The following NLGN4X variants were observed in gnomAD, a reference collection of about 807,000 sequenced individuals.
NLGN4X encodes the protein neuroligin-4, X-linked.
In NLGN4X, 3 loss-of-function variants were observed where a neutral mutation model predicts 40.3. That is an observed-to-expected ratio of 0.07 (90% CI 0.03 to 0.19). The LOEUF (loss-of-function observed/expected upper bound fraction) is 0.19. NLGN4X is among the 10% of genes least tolerant of loss of function. The probability of loss-of-function intolerance (pLI) is 1.00; values close to 1 mark genes in which losing one functional copy is unlikely to be tolerated. For missense variants in NLGN4X, 382 were observed against 708.3 expected (o/e 0.54, Z 5.23); for synonymous variants, 270 against 306.8 (o/e 0.88, Z 1.25).
At chrX:6,069,527 T>G (rs985316098) in intron 2 of NLGN4X, among the ~76,000 whole-genome samples, 2 of 112,045 alleles carry the variant, frequency 1.8e-5, no homozygotes. Context: ...CACTTTAAAA[T>G]ATGTAATGAT....
At chrX:6,007,329 G>A (rs2036128338) in intron 3 of NLGN4X, among the ~76,000 whole-genome samples, 1 of 110,880 alleles carries the variant, frequency 9.0e-6, no homozygotes, top group Admixed American at 9.6e-5. Flanking sequence ...GGAGGTGGAA[G>A]GAGGAGGAAG....
chrX:6,087,486 T>C (rs1041967142), intron 2 of NLGN4X, among the ~76,000 whole-genome samples: 2 of 112,279 alleles, frequency 1.8e-5, no homozygotes, highest in Non-Finnish European at 3.8e-5. Flanking sequence ...AAGGGAAAGA[T>C]AGTTTTAATA....
intron 3 of NLGN4X, among the ~76,000 whole-genome samples, chrX:6,015,388 C>T (rs1602066459): frequency 9.0e-6 from 1 of 111,618 alleles, no homozygotes; most frequent in Admixed American, 9.5e-5. Context: ...GAAACTCTAT[C>T]TCACTCTCTC....
intron 5 of NLGN4X, among the ~76,000 whole-genome samples, chrX:5,898,402 C>G (rs1263811131): frequency 9.2e-6 from 1 of 108,270 alleles, no homozygotes; most frequent in Admixed American, 1.0e-4. Flanking sequence ...ATGCACATCC[C>G]AACATCATTT....
intron 1 of NLGN4X, among the ~76,000 whole-genome samples, chrX:6,193,844 C>T (rs112913242): frequency 8.9e-6 from 1 of 112,066 alleles, no homozygotes; most frequent in African/African-American, 3.3e-5. Flanking sequence ...CATCAACTCA[C>T]TGTATTTCTC....
intron 1 of NLGN4X, among the ~76,000 whole-genome samples, chrX:6,164,519 C>T (rs951674634): frequency 2.4e-4 from 27 of 112,207 alleles, no homozygotes; most frequent in African/African-American, 8.7e-4. Flanking sequence ...GATGGTTGAT[C>T]ATGTGGACAG....
chrX:6,026,900 C>T (rs868425693), intron 3 of NLGN4X, among the ~76,000 whole-genome samples: 1 of 106,865 alleles, frequency 9.4e-6, no homozygotes, highest in East Asian at 3.0e-4. Flanking sequence ...AATTGATTCA[C>T]GAAGGGACAA....
intron 3 of NLGN4X, among the ~76,000 whole-genome samples, chrX:5,959,631 A>G (rs1022171138): frequency 4.5e-5 from 5 of 111,829 alleles, no homozygotes; most frequent in African/African-American, 1.6e-4. Context: ...GCGCAGGTAC[A>G]TAATAGCATA....
intron 2 of NLGN4X, among the ~76,000 whole-genome samples, chrX:6,106,506 A>T (rs921640433): frequency 1.1e-4 from 12 of 111,434 alleles, no homozygotes; most frequent in African/African-American, 3.3e-4. Context: ...TGCCATAAAA[A>T]TCCTCTATGA....
chrX:6,067,812 A>G (rs1371137746), intron 2 of NLGN4X, among the ~76,000 whole-genome samples: 1 of 111,675 alleles, frequency 9.0e-6, no homozygotes, highest in Non-Finnish European at 1.9e-5. Flanking sequence ...AAACGCTGCA[A>G]TGATGACCTT....
At chrX:5,958,701 C>A (rs183110083) in intron 3 of NLGN4X, among the ~76,000 whole-genome samples, 1 of 112,181 alleles carries the variant, frequency 8.9e-6, no homozygotes, top group Admixed American at 9.5e-5. Context: ...GCACATCATT[C>A]TCTTCTTCTT....
intron 3 of NLGN4X, among the ~76,000 whole-genome samples, chrX:5,964,312 C>T (rs2034754767): frequency 9.0e-6 from 1 of 111,039 alleles, no homozygotes; most frequent in Non-Finnish European, 1.9e-5. Context: ...TGCAAGGAGA[C>T]AAAAATAATA....
intron 3 of NLGN4X, among the ~76,000 whole-genome samples, chrX:5,928,857 GT>G (rs1049707438): frequency 9.4e-6 from 1 of 106,403 alleles, no homozygotes; most frequent in Admixed American, 1.0e-4. Flanking sequence ...TTAATTTTTA[GT>G]TTTTTTTTAG....
rs372481755 is a variant in NLGN4X, at chrX:6,151,507, G to A, written c.-41C>T. 5 of 1,127,379 alleles carry A rather than the reference G, an allele frequency of 4.4e-6. No homozygotes were observed. The South Asian group carries it at 5.5e-5, about 12-fold the overall frequency. 92.9% of individuals were successfully genotyped at this position (1,127,379 alleles called of 1,213,427 possible). A position where few individuals can be genotyped will look rare whatever the true frequency, so the allele number is the denominator to read the frequency against. On this transcript the variant is annotated 5_prime_UTR_variant, in exon 2 of 6. Coordinates refer to ENST00000381095, the MANE Select transcript of NLGN4X (RefSeq NM_181332.3). ...CCACATCCACAGCTGTCCCAGTGAT[G>A]TGGCTCCAAGGAGACAAAGCCCAGA...
At chrX:6,139,720 G>A (rs961727566) in intron 2 of NLGN4X, among the ~76,000 whole-genome samples, 5 of 111,635 alleles carry the variant, frequency 4.5e-5, no homozygotes, top group Non-Finnish European at 9.4e-5. Flanking sequence ...TGAAACGTTG[G>A]TTTAGTTGGG....
intron 3 of NLGN4X, among the ~76,000 whole-genome samples, chrX:6,008,428 A>G (rs2036159871): frequency 8.9e-6 from 1 of 112,192 alleles, no homozygotes; most frequent in Non-Finnish European, 1.9e-5. Flanking sequence ...ATGTGGATGA[A>G]CCTTGTAAAC....
chrX:6,054,054 C>T (rs1179868377), intron 2 of NLGN4X, among the ~76,000 whole-genome samples: 2 of 112,197 alleles, frequency 1.8e-5, no homozygotes, highest in Admixed American at 9.5e-5. Context: ...GCACTGTTAG[C>T]ATGAGTTAAG....
Position 6,209,945 on chromosome X carries a change from G to A in NLGN4X, c.-306+18596C>T, listed in dbSNP as rs72609529. ...AGTTCACTGCAGCCTCCAACTCCTC[G>A]GCTCAAGCCATCCTCCTGTCTCAGC... On this transcript the variant is annotated intron_variant, in intron 1 of 5. Coordinates refer to ENST00000381095, the MANE Select transcript of NLGN4X (RefSeq NM_181332.3). Among the ~76,000 whole-genome samples, 185 of 112,115 alleles carry A rather than the reference G, an allele frequency of 1.7e-3. 4 individuals are homozygous for A. In the East Asian group the frequency reaches 0.043, roughly 26 times the overall value.
In NLGN4X at chrX:6,151,658, G is replaced by C; in HGVS notation, c.-192C>G. 2 of 452,441 alleles carry C rather than the reference G, an allele frequency of 4.4e-6. No homozygotes were observed. The highest frequency in any genetic ancestry group is 7.7e-6 in the Non-Finnish European group (2 of 258,188). 37.3% of individuals were successfully genotyped at this position (452,441 alleles called of 1,213,427 possible). A position where few individuals can be genotyped will look rare whatever the true frequency, so the allele number is the denominator to read the frequency against. Reference sequence around the variant, plus strand: ...CCGTTTTCTTGGCAGCCCATTGCAAGGAGGCAGCCCTCCCTTAATCCTGAA... The same window carrying C: ...CCGTTTTCTTGGCAGCCCATTGCAACGAGGCAGCCCTCCCTTAATCCTGAA... On this transcript the variant is annotated 5_prime_UTR_variant, in exon 2 of 6. Coordinates refer to ENST00000381095, the MANE Select transcript of NLGN4X (RefSeq NM_181332.3).
Sources: gnomAD v4.1 joint callset for allele counts (sites outside exome capture counted in the v4.1 genomes callset) on GRCh38, gnomAD v4.1.1 for gene constraint, MANE v1.5 for transcripts, NCBI Gene and HGNC (gene_info 2026-07-23, HGNC 2026-07-21) for gene names.